Variants in C2CD5 observed in about 807,000 individuals in gnomAD.
C2CD5 encodes the protein C2 calcium dependent domain containing 5.
A neutral mutation model predicts 130.3 loss-of-function variants in C2CD5; 109 were observed. The ratio of observed to expected loss-of-function variants is 0.84; its 90% CI spans 0.72 to 0.98. The LOEUF (loss-of-function observed/expected upper bound fraction) is 0.98, where lower values mean the gene tolerates loss of function less well. Among genes scored for constraint, C2CD5 ranks in the 50% least tolerant of loss-of-function variants. The probability of loss-of-function intolerance (pLI) is 0.00; values close to 1 mark genes in which losing one functional copy is unlikely to be tolerated. For synonymous variants in C2CD5, 454 were observed against 429.2 expected, an observed-to-expected ratio of 1.06 and a Z score of -0.71; for missense variants, 996 against 1,261.8, an observed-to-expected ratio of 0.79 and a Z score of 3.19.
chr12:22,516,049 GA>G (rs74317886), intron 8 of C2CD5, among the ~76,000 whole-genome samples: 23,608 of 130,184 alleles, frequency 0.18, 3,598 homozygotes, highest in African/African-American at 0.43. Flanking sequence ...ACTACAAACA[GA>G]AAAAAAAAAA....
intron 3 of C2CD5, among the ~76,000 whole-genome samples, chr12:22,530,171 TAAC>T (rs1166928641): frequency 1.8e-4 from 23 of 128,892 alleles, no homozygotes; most frequent in East Asian, 4.7e-4. Context: ...ACTGTATACA[TAAC>T]AACTATATAT....
chr12:22,536,342 A>G (rs1375259250), intron 2 of C2CD5, among the ~76,000 whole-genome samples: 1 of 152,206 alleles, frequency 6.6e-6, no homozygotes, highest in Non-Finnish European at 1.5e-5. Context: ...TACCTATTTT[A>G]AATGCATTAT....
At chr12:22,534,941 C>T (rs541372231) in intron 3 of C2CD5, 22 of 193,974 alleles carry the variant, frequency 1.1e-4, no homozygotes, top group African/African-American at 4.7e-4. Context: ...TATAGTACTA[C>T]AATTTTTAAA....
intron 7 of C2CD5, among the ~76,000 whole-genome samples, chr12:22,520,309 C>A (rs558295614): frequency 6.6e-6 from 1 of 152,254 alleles, no homozygotes; most frequent in African/African-American, 2.4e-5. Context: ...TTTACCTGAT[C>A]TTTTCTTTCT....
intron 12 of C2CD5, among the ~76,000 whole-genome samples, chr12:22,486,639 A>G (rs2136365834): frequency 6.6e-6 from 1 of 152,262 alleles, no homozygotes; most frequent in Non-Finnish European, 1.5e-5. Context: ...CTAACATCCT[A>G]TACAAATGAA....
Position 22,529,592 on chromosome 12 carries a change from A to G in C2CD5, c.178-1700T>C, listed in dbSNP as rs564855184. Among the ~76,000 whole-genome samples the G allele has an allele frequency of 2.5e-3, 379 of 152,358 alleles. 2 individuals carry two copies. Among genetic ancestry groups the G allele is most frequent in the African/African-American group, 8.1e-3 (337 of 41,584 alleles). On this transcript the variant is annotated intron_variant, in intron 3 of 26. Transcript: ENST00000446597. The stretch of plus-strand genomic sequence containing the variant: ...TCATAATGAATTAAGAATATTTAGT[A>G]CAGTAAATGAAGCCTATCTGGAATC...
At chr12:22,516,085 A>G (rs1049362084) in intron 8 of C2CD5, among the ~76,000 whole-genome samples, 1 of 151,578 alleles carries the variant, frequency 6.6e-6, no homozygotes, top group African/African-American at 2.4e-5. Context: ...TCTAAATGTT[A>G]TTAACTTTAT....
chr12:22,451,251 CAATT>C (rs1372724056), intron 26 of C2CD5, among the ~76,000 whole-genome samples: 2 of 151,858 alleles, frequency 1.3e-5, no homozygotes, highest in Non-Finnish European at 2.9e-5. Context: ...AATAAAACTA[CAATT>C]AATTTTTTTA....
chr12:22,486,636 C>T (rs1194648980), intron 12 of C2CD5, among the ~76,000 whole-genome samples: 1 of 152,070 alleles, frequency 6.6e-6, no homozygotes, highest in Admixed American at 6.6e-5. Flanking sequence ...TCTCTAACAT[C>T]CTATACAAAT....
chr12:22,544,185 G>T lies in C2CD5; in HGVS notation c.-29-6C>A. 1 of 1,599,918 alleles carries T rather than the reference G, an allele frequency of 6.3e-7. No homozygotes were observed. The highest frequency in any genetic ancestry group is 8.6e-7 in the Non-Finnish European group (1 of 1,167,414). On this transcript the variant is annotated splice_polypyrimidine_tract_variant and splice_region_variant and intron_variant, in intron 1 of 26. Transcript: ENST00000446597. ...TTCGGCCTCTTCTTGGGCTCCTGCA[G>T]AAACAAACAAACGAGTCTGCGCCGA...
intron 2 of C2CD5, among the ~76,000 whole-genome samples, chr12:22,540,771 A>G (rs1475129851): frequency 2.6e-5 from 4 of 152,186 alleles, no homozygotes; most frequent in Non-Finnish European, 5.9e-5. Flanking sequence ...AGGCAGGACA[A>G]TCGCTTGAAC....
intron 4 of C2CD5, 98 bp from the exon 5 acceptor site, chr12:22,525,803 A>C (rs1489357367): frequency 1.5e-5 from 11 of 717,890 alleles, no homozygotes; most frequent in Non-Finnish European, 2.7e-5. Context: ...TTTAAAATAC[A>C]ATGATTTAAC....
At chr12:22,489,768 C>T (rs1442263063) in intron 12 of C2CD5, among the ~76,000 whole-genome samples, 5 of 151,896 alleles carry the variant, frequency 3.3e-5, no homozygotes, top group African/African-American at 1.2e-4. Context: ...TGTTTCATAA[C>T]CTCTTTCTGT....
Position 22,535,129 on chromosome 12 carries a change from G to A in C2CD5, c.177+129C>T, listed in dbSNP as rs879179895. The A allele has an allele frequency of 5.4e-4, 352 of 654,662 alleles. 3 individuals carry two copies. Among genetic ancestry groups the A allele is most frequent in the Admixed American group, 4.8e-3 (161 of 33,270 alleles). The allele number at this position is 654,662 out of a possible 1,614,324, so 40.6% of individuals were successfully genotyped here. ...TTTTAGACTCAATATTCCTAGGTAA[G>A]CAGAAAAGAAAATATTTTTGTGATG... On this transcript the variant is annotated intron_variant, in intron 3 of 26. Coordinates refer to ENST00000446597, the MANE Select transcript of C2CD5 (RefSeq NM_001286176.2).
chr12:22,534,039 T>A (rs1014300103), intron 3 of C2CD5, among the ~76,000 whole-genome samples: 1 of 152,042 alleles, frequency 6.6e-6, no homozygotes, highest in African/African-American at 2.4e-5. Flanking sequence ...TACAAAAAAA[T>A]TAGCCAGGCA....
chr12:22,453,958 TC>T lies in C2CD5; in HGVS notation c.2961del (p.Asn988MetfsTer7). On this transcript the variant is annotated frameshift_variant, in exon 26 of 27. Transcript: ENST00000446597. LOFTEE classifies it high-confidence loss of function. ...TTCATTATGTAGGAGACAACAGCAT[TC>T]CCTCCTAATGCAGCAACATGAGCTC... is the stretch of plus-strand genomic sequence containing the variant. ...MVRAHVAALG[G>X]NAVVSYIMKQ... The T allele has an allele frequency of 6.2e-7, 1 of 1,613,520 alleles. No individual in the cohort carries two copies. The highest frequency in any genetic ancestry group is 1.1e-5 in the South Asian group (1 of 91,064).
At chr12:22,502,338 G>T (rs1947903354) in intron 10 of C2CD5, among the ~76,000 whole-genome samples, 1 of 151,846 alleles carries the variant, frequency 6.6e-6, no homozygotes, top group African/African-American at 2.4e-5. Context: ...ATCTAAATGT[G>T]CATTTAAATA....
chr12:22,520,140 G>C (rs1000279079), intron 7 of C2CD5, among the ~76,000 whole-genome samples: 5 of 152,044 alleles, frequency 3.3e-5, no homozygotes, highest in African/African-American at 1.2e-4. Context: ...ACATAAATAA[G>C]AATCCTGAAT....
chr12:22,511,612 T>G (rs1949207999), intron 9 of C2CD5, among the ~76,000 whole-genome samples: 1 of 152,236 alleles, frequency 6.6e-6, no homozygotes, highest in African/African-American at 2.4e-5. Context: ...CTATGTCCAA[T>G]GTGTAAATGT....
Sources: gnomAD v4.1 joint callset for allele counts (sites outside exome capture counted in the v4.1 genomes callset) on GRCh38, gnomAD v4.1.1 for gene constraint, MANE v1.5 for transcripts, NCBI Gene and HGNC (gene_info 2026-07-23, HGNC 2026-07-21) for gene names.